DENND1A: variants seen among roughly 807,000 people sequenced by gnomAD.
DENND1A encodes DENN domain-containing protein 1A.
A neutral mutation model predicts 113.7 loss-of-function variants in DENND1A; 51 were observed. The ratio of observed to expected loss-of-function variants is 0.45; its 90% CI spans 0.36 to 0.57. The LOEUF (loss-of-function observed/expected upper bound fraction) is 0.57. Ranked by LOEUF, DENND1A falls within the 20% of genes least tolerant of loss-of-function variation. The pLI is 0.00. For synonymous variants in DENND1A, 565 were observed against 570.8 expected (o/e 0.99, Z 0.14); for missense variants, 1,258 against 1,395.9 (o/e 0.90, Z 1.57).
chr9:123,666,039 G>A (rs1462227321), intron 8 of DENND1A, among the ~76,000 whole-genome samples: 1 of 152,196 alleles, frequency 6.6e-6, no homozygotes, highest in African/African-American at 2.4e-5. Flanking sequence ...CAGATTGATG[G>A]TTGCCAGGGG....
intron 19 of DENND1A, among the ~76,000 whole-genome samples, chr9:123,424,142 G>A (rs2045533026): frequency 6.6e-6 from 1 of 152,134 alleles, no homozygotes; most frequent in Non-Finnish European, 1.5e-5. Flanking sequence ...GTGAGGGTTG[G>A]GGGAGCTGTA....
chr9:123,857,529 C>T (rs905274563), intron 2 of DENND1A, among the ~76,000 whole-genome samples: 3 of 152,166 alleles, frequency 2.0e-5, no homozygotes, highest in Admixed American at 1.3e-4. Context: ...GCAAAGACTA[C>T]TTTAATCAAG....
intron 5 of DENND1A, among the ~76,000 whole-genome samples, chr9:123,700,849 T>A (rs2065843993): frequency 6.6e-6 from 1 of 152,212 alleles, no homozygotes; most frequent in African/African-American, 2.4e-5. Flanking sequence ...GCCTGGTATA[T>A]CTATTTAGAT....
chr9:123,387,958 G>A, intron 21 of DENND1A, 100 bp from the exon 22 acceptor site: 1 of 1,186,548 alleles, frequency 8.4e-7, no homozygotes. Flanking sequence ...TCCACGCCTG[G>A]CCCTGCCTCT....
intron 13 of DENND1A, among the ~76,000 whole-genome samples, chr9:123,544,695 A>G (rs1017673206): frequency 3.3e-5 from 5 of 152,228 alleles, no homozygotes. Context: ...ATATATAAAG[A>G]GCCTAGCATA....
intron 12 of DENND1A, among the ~76,000 whole-genome samples, chr9:123,574,414 C>T (rs1024824193): frequency 3.6e-4 from 55 of 151,998 alleles, no homozygotes; most frequent in African/African-American, 1.3e-3. Context: ...GAAATAGTGC[C>T]ATTTTTCTAT....
intron 4 of DENND1A, among the ~76,000 whole-genome samples, chr9:123,762,438 C>T (rs527929931): frequency 1.3e-5 from 2 of 152,310 alleles, no homozygotes; most frequent in Admixed American, 1.3e-4. Context: ...TAGCATTTTG[C>T]TTAATCTTGA....
At chr9:123,623,226 G>A (rs2061039909) in intron 10 of DENND1A, among the ~76,000 whole-genome samples, 1 of 152,168 alleles carries the variant, frequency 6.6e-6, no homozygotes, top group African/African-American at 2.4e-5. Flanking sequence ...CAAGGCAACA[G>A]AAGTAAGAAT....
chr9:123,921,320 T>C lies in DENND1A; in HGVS notation c.17+8569A>G, dbSNP rs924948745. 7.2e-5 allele frequency among the ~76,000 whole-genome samples: 11 copies of C among 152,306 alleles called. No homozygotes were observed. In the South Asian group the frequency reaches 1.2e-3, roughly 17 times the overall value. ...TTTATTAGCTTCCTTCCATAAATATTATTTTTTTAACCTGAAGCTCAGAAA... is the reference window on the plus strand; with the variant it reads ...TTTATTAGCTTCCTTCCATAAATATCATTTTTTTAACCTGAAGCTCAGAAA... On this transcript the variant is annotated intron_variant, in intron 1 of 23. Transcript: ENST00000394215.
At chr9:123,492,965 T>G (rs575317970) in intron 13 of DENND1A, 8 of 152,334 alleles carry the variant, frequency 5.3e-5, no homozygotes, top group Admixed American at 1.3e-4. Flanking sequence ...GCTTACCCAT[T>G]GAGGCTCTTG....
chr9:123,676,350 T>C (rs1005356931), intron 6 of DENND1A, among the ~76,000 whole-genome samples: 3 of 152,220 alleles, frequency 2.0e-5, no homozygotes, highest in Non-Finnish European at 4.4e-5. Context: ...CAGCATGACA[T>C]GAGCAATTCA....
At chr9:123,395,176 T>C (rs2043050815) in intron 21 of DENND1A, among the ~76,000 whole-genome samples, 1 of 152,152 alleles carries the variant, frequency 6.6e-6, no homozygotes. Flanking sequence ...AAATCAGTCA[T>C]GTCTTGAGGA....
At chr9:123,666,543 C>G (rs1355713041) in intron 8 of DENND1A, among the ~76,000 whole-genome samples, 1 of 152,062 alleles carries the variant, frequency 6.6e-6, no homozygotes, top group Non-Finnish European at 1.5e-5. Flanking sequence ...TAATAAACCT[C>G]TATTTGGAAA....
chr9:123,702,545 T>G (rs943511878), intron 5 of DENND1A, among the ~76,000 whole-genome samples: 1 of 151,350 alleles, frequency 6.6e-6, no homozygotes, highest in Non-Finnish European at 1.5e-5. Context: ...AAAGAGAAAA[T>G]CCTGAAAGCA....
intron 11 of DENND1A, among the ~76,000 whole-genome samples, chr9:123,599,209 C>T (rs1156460362): frequency 6.6e-6 from 1 of 152,336 alleles, no homozygotes; most frequent in East Asian, 1.9e-4. Context: ...GTAGCCTAAA[C>T]GGCATATCTC....
At chr9:123,560,822 C>T (rs138877959) in intron 12 of DENND1A, among the ~76,000 whole-genome samples, 15 of 152,156 alleles carry the variant, frequency 9.9e-5, no homozygotes, top group African/African-American at 2.6e-4. Context: ...CCTCAACATC[C>T]GGGTATCTAT....
At chr9:123,739,215 T>C (rs1462117702) in intron 5 of DENND1A, among the ~76,000 whole-genome samples, 1 of 152,138 alleles carries the variant, frequency 6.6e-6, no homozygotes, top group Non-Finnish European at 1.5e-5. Flanking sequence ...CTTATGAGTT[T>C]CAAATAATTA....
chr9:123,892,993 G>C (rs997107353), intron 1 of DENND1A, among the ~76,000 whole-genome samples: 1 of 151,118 alleles, frequency 6.6e-6, no homozygotes, highest in African/African-American at 2.4e-5. Context: ...AAAATAATAA[G>C]AATAATAATA....
intron 5 of DENND1A, among the ~76,000 whole-genome samples, chr9:123,746,694 G>A (rs979610855): frequency 1.3e-5 from 2 of 152,044 alleles, no homozygotes; most frequent in South Asian, 4.2e-4. Context: ...CAAGTTCATG[G>A]GAGTCCTTGA....
Sources: allele counts gnomAD v4.1 joint callset (sites outside exome capture counted in the v4.1 genomes callset), GRCh38; gene constraint gnomAD v4.1.1; transcripts MANE v1.5; gene names NCBI Gene and HGNC (gene_info 2026-07-23, HGNC 2026-07-21).